Variants in LTB observed in about 807,000 individuals in gnomAD.
LTB encodes the protein lymphotoxin-beta.
Under a neutral mutation model 14.7 loss-of-function variants are expected in LTB, and 17 were observed. The ratio of observed to expected loss-of-function variants is 1.16; its 90% CI spans 0.79 to 1.73. The LOEUF (loss-of-function observed/expected upper bound fraction) is 1.73. Ranked by LOEUF, LTB falls within the 40% of genes most tolerant of loss-of-function variation. The pLI is 0.00. For synonymous variants in LTB, 163 were observed against 157.3 expected, an observed-to-expected ratio of 1.04 and a Z score of -0.27; for missense variants, 288 against 324.3, an observed-to-expected ratio of 0.89 and a Z score of 0.86.
At chr6:31,581,971 C>A in intron 1 of LTB, 112 bp from the exon 2 acceptor site, 2 of 1,068,814 alleles carry the variant, frequency 1.9e-6, no homozygotes, top group East Asian at 2.4e-5. Context: ...CAGCACCATC[C>A]CCAACACACA....
chr6:31,582,368 C>G lies in LTB; in HGVS notation c.50G>C (p.Gly17Ala). 6.2e-7 allele frequency: 1 copy of G among 1,612,872 alleles called. No individual in the cohort carries two copies. The change falls in exon 1 of 4, where the codon GGT becomes GCT. Residue 17 changes from glycine (G) to alanine (A), a missense_variant. By Grantham distance (60) the Gly-to-Ala change is moderately conservative. This residue lies in a region of LTB where 284 missense variants were observed against 299.2 expected (regional missense o/e 0.95). Coordinates refer to ENST00000429299, the MANE Select transcript of LTB (RefSeq NM_002341.2). ...EGRGGRLQGR[G>A]SLLLAVAGAT... ...TCCTGCCACAGCTAGCAGGAGGGAACCCCTCCCCTGGAGCCTCCCACCCCT... is the reference window on the plus strand; with the variant it reads ...TCCTGCCACAGCTAGCAGGAGGGAAGCCCTCCCCTGGAGCCTCCCACCCCT...
In LTB at chr6:31,580,805, G is replaced by T; in HGVS notation, c.639C>A (p.Leu213=). The part of the protein sequence containing the change: ...TSVGFGGLVQ[L]RRGERVYVNI... ...TGACGTACACCCTCTCGCCCCTCCG[G>T]AGCTGCACCAGGCCGCCGAACCCCA... Residue 213 remains leucine, a synonymous_variant, in exon 4 of 4, where the codon CTC becomes CTA. Transcript: ENST00000429299. The surrounding 1 kb of genome is among the most constrained non-coding windows in gnomAD (Gnocchi z 6.6). 1 of 1,612,856 alleles carries T rather than the reference G, an allele frequency of 6.2e-7. No homozygotes were observed. The highest frequency in any genetic ancestry group is 8.5e-7 in the Non-Finnish European group (1 of 1,179,974).
Position 31,581,003 on chromosome 6 carries a change from AGGGGGCGC to A in LTB, c.433_440del (p.Ala145TrpfsTer?). On this transcript the variant is annotated frameshift_variant, in exon 4 of 4. Transcript: ENST00000429299. LOFTEE classifies it low-confidence loss of function (END_TRUNC). ...AGCGGCCCTGGGGGTCCCCGCCGCC[AGGGGGCGC>A]CCGGCCCCGGTAGCCGACGAGACAG... The A allele has an allele frequency of 6.4e-7, 1 of 1,567,650 alleles. No individual in the cohort carries two copies. Among genetic ancestry groups the A allele is most frequent in the East Asian group, 2.4e-5 (1 of 42,428 alleles).
rs1771516769 is a variant in LTB, at chr6:31,581,604, GCTC to G, written c.232_234del (p.Glu78del). ...AGCCCGGGGCTGAGATCTGTTTCTG[GCTC>G]CTCCTCTGGCAGCTTCTGAAACCCT... On this transcript the variant is annotated inframe_deletion, in exon 3 of 4. Transcript: ENST00000429299. 2 of 1,612,952 alleles carry G rather than the reference GCTC, an allele frequency of 1.2e-6. No individual in the cohort carries two copies. The highest frequency in any genetic ancestry group is 1.7e-6 in the Non-Finnish European group (2 of 1,179,980).
rs1771481973 is a variant in LTB, at chr6:31,581,149, C to T, written c.295G>A (p.Gly99Arg). Residue 99 changes from glycine (G) to arginine (R), a missense_variant, in exon 4 of 4, where the codon GGG becomes AGG. Around this residue, in one of 2 missense-constraint regions of LTB, gnomAD observed 284 missense variants for 299.2 expected, o/e 0.95. Coordinates refer to ENST00000429299, the MANE Select transcript of LTB (RefSeq NM_002341.2). Reference protein sequence around the residue: ...AAHLIGAPLKGQGLGWETTKE... With the variant: ...AAHLIGAPLKRQGLGWETTKE... ...GTCGTCTCCCAGCCTAGCCCCTGCC[C>T]CTTCAGCGGAGCGCCTGCGGAGACA... The T allele has an allele frequency of 2.0e-6, 3 of 1,537,890 alleles. No individual in the cohort carries two copies. Among genetic ancestry groups the T allele is most frequent in the African/African-American group, 1.4e-5 (1 of 71,948 alleles).
chr6:31,582,023 C>T (rs1293378696), intron 1 of LTB, 164 bp from the exon 2 acceptor site: 8 of 806,014 alleles, frequency 9.9e-6, no homozygotes, highest in East Asian at 7.8e-5. Context: ...GGTACTTGGG[C>T]GGAGAAACAG....
Position 31,580,955 on chromosome 6 carries a change from C to T in LTB, c.489G>A (p.Leu163=), listed in dbSNP as rs1370234176. Residue 163 remains leucine, a synonymous_variant, in exon 4 of 4, where the codon CTG becomes CTA. Coordinates refer to ENST00000429299, the MANE Select transcript of LTB (RefSeq NM_002341.2). This position sits in a 1 kb window ranked among gnomAD's most constrained non-coding sequence, Gnocchi z 6.6. ...QGRSVTLRSS[L]YRAGGAYGPG... ...GCCCGTAGGCGCCCCCCGCCCGGTA[C>T]AGAGAGCTGCGCAGCGTGACCGAGC... 1 of 1,570,238 alleles carries T rather than the reference C, an allele frequency of 6.4e-7. No homozygotes were observed. Among genetic ancestry groups the T allele is most frequent in the Admixed American group, 1.9e-5 (1 of 53,428 alleles).
In LTB at chr6:31,581,599, T is replaced by C. The variant is rs573476205; in HGVS notation, c.240A>G (p.Glu80=). The C allele has an allele frequency of 2.5e-6, 4 of 1,612,916 alleles. No individual in the cohort carries two copies. Among genetic ancestry groups the C allele is most frequent in the African/African-American group, 2.7e-5 (2 of 74,994 alleles). ...GFQKLPEEEP[E]TDLSPGLPAA... is the part of the protein sequence containing the mutation. ...CTGGGAGCCCGGGGCTGAGATCTGT[T>C]TCTGGCTCCTCCTCTGGCAGCTTCT... Residue 80 remains glutamate, a synonymous_variant, in exon 3 of 4, where the codon GAA becomes GAG. Transcript: ENST00000429299.
At chr6:31,581,946 TGG>T in intron 1 of LTB, 87 bp from the exon 2 acceptor site, 1 of 1,371,344 alleles carries the variant, frequency 7.3e-7, no homozygotes. Context: ...GCTGCAGGCC[TGG>T]GGTTTCTCCT....
chr6:31,582,209 C>A, intron 1 of LTB, 47 bp downstream of exon 1: 1 of 1,602,030 alleles, frequency 6.2e-7, no homozygotes, highest in Non-Finnish European at 8.5e-7. Flanking sequence ...GGGAGCCAAG[C>A]ATCCGCAAGA....
Position 31,581,588 on chromosome 6 carries a change from C to T in LTB, c.251G>A (p.Ser84Asn), listed in dbSNP as rs756030008. The T allele has an allele frequency of 8.1e-6, 13 of 1,612,804 alleles. No homozygotes were observed. The Admixed American group carries it at 2.2e-4, about 27-fold the overall frequency. ...LPEEEPETDL[S>N]PGLPAAHLIG... Reference sequence around the variant, plus strand: ...GAGGTGGGCAGCTGGGAGCCCGGGGCTGAGATCTGTTTCTGGCTCCTCCTC... The same window carrying T: ...GAGGTGGGCAGCTGGGAGCCCGGGGTTGAGATCTGTTTCTGGCTCCTCCTC... The change falls in exon 3 of 4, where the codon AGC (serine) becomes AAC (asparagine). Residue 84 changes from serine to asparagine, a missense_variant. Ser to Asn is a conservative substitution (Grantham distance 46). Transcript: ENST00000429299.
At chr6:31,581,950 G>A (rs180949041) in intron 1 of LTB, 91 bp from the exon 2 acceptor site, 5 of 1,318,276 alleles carry the variant, frequency 3.8e-6, no homozygotes, top group African/African-American at 1.5e-5. Flanking sequence ...CAGGCCTGGG[G>A]TTTCTCCTAC....
intron 1 of LTB, 128 bp from the exon 2 acceptor site, chr6:31,581,987 T>G: frequency 1.0e-6 from 1 of 974,608 alleles, no homozygotes; most frequent in Non-Finnish European, 1.5e-6. Flanking sequence ...ACACACCTCC[T>G]TAGAAGGGAG....
chr6:31,581,479 T>A (rs1054286034), intron 3 of LTB, 80 bp downstream of exon 3: 2 of 1,355,666 alleles, frequency 1.5e-6, no homozygotes, highest in Non-Finnish European at 2.1e-6. Flanking sequence ...ACTGGAATCA[T>A]GGAGCCGAAG....
chr6:31,580,564 G>A lies in LTB; in HGVS notation c.*145C>T, dbSNP rs1037423785. 2.6e-6 allele frequency: 2 copies of A among 781,526 alleles called. No individual in the cohort carries two copies. Among genetic ancestry groups the A allele is most frequent in the Admixed American group, 2.8e-5 (1 of 35,966 alleles). The allele number at this position is 781,526 out of a possible 1,614,324, so 48.4% of individuals were successfully genotyped here. A position where few individuals can be genotyped will look rare whatever the true frequency, so the allele number is the denominator to read the frequency against. On this transcript the variant is annotated 3_prime_UTR_variant, in exon 4 of 4. Coordinates refer to ENST00000429299, the MANE Select transcript of LTB (RefSeq NM_002341.2). This position sits in a 1 kb window ranked among gnomAD's most constrained non-coding sequence, Gnocchi z 6.6. Reference sequence around the variant, plus strand: ...TGTGTCGCAACTCAGCATCTTTATCGGCAGCACTGAAGCTTTCCATTCTTT... The same window carrying A: ...TGTGTCGCAACTCAGCATCTTTATCAGCAGCACTGAAGCTTTCCATTCTTT...
At chr6:31,581,991 A>C in intron 1 of LTB, 132 bp from the exon 2 acceptor site, 1 of 935,302 alleles carries the variant, frequency 1.1e-6, no homozygotes, top group Non-Finnish European at 1.6e-6. Context: ...ACCTCCTTAG[A>C]AGGGAGAACA....
chr6:31,581,266 CG>C, intron 3 of LTB, 103 bp from the exon 4 acceptor site: 2 of 1,110,294 alleles, frequency 1.8e-6, no homozygotes, highest in Non-Finnish European at 1.3e-6. Flanking sequence ...CGAGCCGGGC[CG>C]GGGGAGGAGG....
In LTB at chr6:31,581,838, CG is replaced by C; in HGVS notation, c.183del (p.Ala63HisfsTer31). The C allele has an allele frequency of 1.9e-6, 3 of 1,599,194 alleles. No homozygotes were observed. The highest frequency in any genetic ancestry group is 1.7e-4 in the Middle Eastern group (1 of 5,970). On this transcript the variant is annotated frameshift_variant, in exon 2 of 4. Transcript: ENST00000429299. LOFTEE classifies it high-confidence loss of function. ...QGGLVTETAD[P>X]GAQAQQGLGF... is the part of the protein sequence containing the mutation. ...CCCAGTCCTTGCTGGGCCTGTGCCC[CG>C]GGGTCGGCCGTCTCCGTTACCTGGT...
chr6:31,581,806 G>A lies in LTB; in HGVS notation c.208+8C>T, dbSNP rs752684862. On this transcript the variant is annotated splice_region_variant and intron_variant, in intron 2 of 3. Transcript: ENST00000429299. Reference sequence around the variant, plus strand: ...TGAAGCGGGGAAGGAGAGACAGTCTGCTCTTACCCAGTCCTTGCTGGGCCT... The same window carrying A: ...TGAAGCGGGGAAGGAGAGACAGTCTACTCTTACCCAGTCCTTGCTGGGCCT... 2.5e-6 allele frequency: 4 copies of A among 1,611,606 alleles called. No homozygotes were observed. Among genetic ancestry groups the A allele is most frequent in the South Asian group, 1.1e-5 (1 of 90,920 alleles).
Sources: allele counts gnomAD v4.1 joint callset, GRCh38; gene constraint gnomAD v4.1.1; regional missense constraint gnomAD v4.1.1; non-coding constraint Gnocchi (gnomAD v3.1); transcripts MANE v1.5; gene names NCBI Gene and HGNC (gene_info 2026-07-23, HGNC 2026-07-21).